The following GSN variants were observed in gnomAD, a reference collection of about 807,000 sequenced individuals.
The protein encoded by GSN is gelsolin.
Under a neutral mutation model 85.7 loss-of-function variants are expected in GSN, and 56 were observed. The observed-to-expected ratio is 0.65, with a 90% CI of 0.53 to 0.82. The LOEUF is 0.82. Ranked by LOEUF, GSN falls within the 40% of genes least tolerant of loss-of-function variation. GSN has a pLI of 0.00. For missense variants in GSN, 857 were observed against 979.8 expected (o/e 0.87, Z 1.67); for synonymous variants, 373 against 399.1 (o/e 0.93, Z 0.78).
intron 5 of GSN, among the ~76,000 whole-genome samples, chr9:121,240,363 A>G (rs1236261803): frequency 6.6e-6 from 1 of 152,220 alleles, no homozygotes; most frequent in Non-Finnish European, 1.5e-5. Context: ...TGCTGTCTGC[A>G]ATCAGCTCTT....
At chr9:121,313,749 G>C (rs760598815) in intron 6 of GSN, 185 bp from the exon 7 acceptor site, 10 of 637,012 alleles carry the variant, frequency 1.6e-5, no homozygotes, top group Non-Finnish European at 2.3e-5. Context: ...AGACAAGGTG[G>C]AAGGGACCTC....
chr9:121,243,288 A>G (rs1217654557), intron 5 of GSN, among the ~76,000 whole-genome samples: 2 of 152,224 alleles, frequency 1.3e-5, no homozygotes, highest in Non-Finnish European at 2.9e-5. Context: ...CCTCCATGGT[A>G]AAATCTCCTT....
intron 11 of GSN, among the ~76,000 whole-genome samples, chr9:121,323,079 CCCCAGCCT>C (rs2062691979): frequency 6.6e-6 from 1 of 152,130 alleles, no homozygotes; most frequent in African/African-American, 2.4e-5. Context: ...GATCTGCCTG[CCCCAGCCT>C]CCCAAAGTGT....
intron 2 of GSN, among the ~76,000 whole-genome samples, chr9:121,289,582 G>A (rs1408916284): frequency 6.6e-6 from 1 of 152,156 alleles, no homozygotes; most frequent in Non-Finnish European, 1.5e-5. Flanking sequence ...TGGATTGCAG[G>A]CTAACATTTC....
At chr9:121,320,162 T>C (rs904299653) in intron 10 of GSN, among the ~76,000 whole-genome samples, 8 of 152,154 alleles carry the variant, frequency 5.3e-5, no homozygotes, top group African/African-American at 1.9e-4. Context: ...ATGTTCAAAA[T>C]CCAGAGATTC....
At chr9:121,297,443 A>G (rs1478392259) in intron 2 of GSN, among the ~76,000 whole-genome samples, 1 of 152,174 alleles carries the variant, frequency 6.6e-6, no homozygotes, top group Non-Finnish European at 1.5e-5. Context: ...GCAGTGATCT[A>G]GGCACTTCCT....
At chr9:121,263,140 C>T (rs1024531095), upstream of GSN, among the ~76,000 whole-genome samples, 4 of 152,172 alleles carry the variant, frequency 2.6e-5, no homozygotes, top group Non-Finnish European at 5.9e-5. Flanking sequence ...ACGAAAGGCT[C>T]TTGGTGGAGG....
At chr9:121,307,598 C>T (rs1016387019) in intron 4 of GSN, among the ~76,000 whole-genome samples, 1 of 152,208 alleles carries the variant, frequency 6.6e-6, no homozygotes, top group South Asian at 2.1e-4. Flanking sequence ...TCTCAGTTTC[C>T]TTGCCTTTGA....
intron 4 of GSN, among the ~76,000 whole-genome samples, chr9:121,211,743 C>T (rs2053972265): frequency 6.6e-6 from 1 of 152,114 alleles, no homozygotes; most frequent in South Asian, 2.1e-4. Flanking sequence ...CAAAGGACCA[C>T]AGTCTTGCAG....
At chr9:121,274,857 C>A (rs1244518948) in intron 1 of GSN, among the ~76,000 whole-genome samples, 1 of 152,206 alleles carries the variant, frequency 6.6e-6, no homozygotes, top group Non-Finnish European at 1.5e-5. Flanking sequence ...TCTGGCTAAA[C>A]AGACTTAGCA....
At chr9:121,222,658 T>A (rs1200583931) in intron 4 of GSN, among the ~76,000 whole-genome samples, 2 of 152,230 alleles carry the variant, frequency 1.3e-5, no homozygotes. Context: ...CACCAACGTA[T>A]GTTAGCAGTG....
At position 121,332,493 on chromosome 9, in the gene GSN, G is replaced by A. The variant is rs760207436; in HGVS notation, c.2086G>A (p.Val696Met). 9 of 1,614,116 alleles carry A rather than the reference G, an allele frequency of 5.6e-6. No homozygotes were observed. The South Asian group carries it at 9.9e-5, about 18-fold the overall frequency. The part of the protein sequence containing the change: ...NRDRRTPITV[V>M]KQGFEPPSFV... ...GGATCGGCGGACGCCCATCACCGTG[G>A]TGAAGCAAGGCTTTGAGCCTCCCTC... The change falls in exon 18 of 18, where the codon GTG (valine) becomes ATG (methionine). Residue 696 changes from valine (V) to methionine (M), a missense_variant. Transcript: ENST00000432226. This position sits in a 1 kb window ranked among gnomAD's most constrained non-coding sequence, Gnocchi z 4.8.
intron 1 of GSN, chr9:121,281,180 C>T (rs1039813893): frequency 5.5e-6 from 1 of 180,402 alleles, no homozygotes; most frequent in Non-Finnish European, 1.2e-5. Context: ...GGGGGACAGA[C>T]CTGTTCTGGC....
intron 4 of GSN, among the ~76,000 whole-genome samples, chr9:121,220,814 T>C (rs1239203436): frequency 6.6e-6 from 1 of 152,250 alleles, no homozygotes; most frequent in African/African-American, 2.4e-5. Context: ...TAGCCAGAAC[T>C]TAATCGCGTT....
At chr9:121,214,177 T>C (rs1400598896) in intron 4 of GSN, among the ~76,000 whole-genome samples, 1 of 151,002 alleles carries the variant, frequency 6.6e-6, no homozygotes, top group African/African-American at 2.4e-5. Flanking sequence ...CTCCCTTCTC[T>C]CCTCCTCCTT....
At chr9:121,251,918 G>A (rs2054846501) in intron 6 of GSN, among the ~76,000 whole-genome samples, 1 of 152,154 alleles carries the variant, frequency 6.6e-6, no homozygotes. Context: ...CCGAGATCAT[G>A]CCATTGCACT....
At chr9:121,257,401 ATAAG>A (rs1206264018) in intron 6 of GSN, among the ~76,000 whole-genome samples, 2 of 152,248 alleles carry the variant, frequency 1.3e-5, no homozygotes, top group African/African-American at 4.8e-5. Flanking sequence ...ATCAAAGATG[ATAAG>A]TAACTTCCCA....
At chr9:121,312,613 A>C in intron 6 of GSN, 125 bp downstream of exon 6, 1 of 735,674 alleles carries the variant, frequency 1.4e-6, no homozygotes, top group South Asian at 2.3e-5. Context: ...CCACCTTTTT[A>C]TTTTTAAAAT....
rs1369963522 is a variant in GSN at position 121,332,088 on chromosome 9, A to G, written c.2027-346A>G. 6.6e-6 allele frequency among the ~76,000 whole-genome samples: 1 copy of G among 152,152 alleles called. No homozygotes were observed. The highest frequency in any genetic ancestry group is 1.5e-5 in the Non-Finnish European group (1 of 68,000). The stretch of plus-strand genomic sequence containing the variant: ...AAAAAAAAAAGAAAAAGATGTTGCA[A>G]AGCAGATTCTTGGCAGCTGAATAGA... On this transcript the variant is annotated intron_variant, in intron 17 of 17. Coordinates refer to ENST00000432226, the MANE Select transcript of GSN (RefSeq NM_198252.3). This position sits in a 1 kb window ranked among gnomAD's most constrained non-coding sequence, Gnocchi z 4.8.
Sources: gnomAD v4.1 joint callset for allele counts (sites outside exome capture counted in the v4.1 genomes callset) on GRCh38, gnomAD v4.1.1 for gene constraint, Gnocchi (gnomAD v3.1) non-coding constraint, MANE v1.5 for transcripts, NCBI Gene and HGNC (gene_info 2026-07-23, HGNC 2026-07-21) for gene names.